VSIG4: variants seen among roughly 807,000 people sequenced by gnomAD.
VSIG4 encodes the protein V-set and immunoglobulin domain-containing protein 4.
In VSIG4, 34 loss-of-function variants were observed where a neutral mutation model predicts 23.4. The observed-to-expected ratio is 1.45, with a 90% CI of 1.10 to 1.93. VSIG4 has a LOEUF of 1.93. Ranked by LOEUF, VSIG4 falls within the 30% of genes most tolerant of loss-of-function variation. The probability of loss-of-function intolerance (pLI) is 0.00; values close to 1 mark genes in which losing one functional copy is unlikely to be tolerated. For synonymous variants in VSIG4, 169 were observed against 120.3 expected (o/e 1.41, Z -2.65); for missense variants, 433 against 310.8 (o/e 1.39, Z -2.96).
rs1195160470 is a variant in VSIG4 at position 66,036,845 on chromosome X, T to C, written c.56-3015A>G. 1.5e-4 allele frequency among the ~76,000 whole-genome samples: 6 copies of C among 39,320 alleles called. 1 individual carries two copies. The highest frequency in any genetic ancestry group is 1.9e-3 in the South Asian group (1 of 519). 34.1% of individuals were successfully genotyped at this position (39,320 alleles called of 115,157 possible). On this transcript the variant is annotated intron_variant, in intron 1 of 7. Coordinates refer to ENST00000374737, the MANE Select transcript of VSIG4 (RefSeq NM_007268.3). ...ATTATATATATAATATGTTATATAA[T>C]ATATTATATATATAATAATATATTA...
chrX:66,025,604 C>A (rs2085381232), intron 5 of VSIG4, among the ~76,000 whole-genome samples: 1 of 112,055 alleles, frequency 8.9e-6, no homozygotes, highest in Non-Finnish European at 1.9e-5. Context: ...CACATATTCC[C>A]ATTATGCCTA....
chrX:66,038,633 C>T (rs759341723), intron 1 of VSIG4, among the ~76,000 whole-genome samples: 1 of 111,921 alleles, frequency 8.9e-6, no homozygotes, highest in East Asian at 2.8e-4. Flanking sequence ...TAGAGAGATA[C>T]ATTATAAAAC....
intron 1 of VSIG4, among the ~76,000 whole-genome samples, chrX:66,036,111 CA>C (rs1279115425): frequency 2.7e-5 from 3 of 111,398 alleles, no homozygotes; most frequent in Non-Finnish European, 5.7e-5. Flanking sequence ...CCCAAAATGG[CA>C]TGTTTTTTCC....
rs868053485 is a variant in VSIG4, at chrX:66,036,990, A to T, written c.55+2954T>A. Among the ~76,000 whole-genome samples the T allele has an allele frequency of 1.3e-4, 3 of 23,509 alleles. No homozygotes were observed. In the African/African-American group the frequency reaches 2.0e-3, roughly 15 times the overall value. The allele number at this position is 23,509 out of a possible 115,157, so 20.4% of individuals were successfully genotyped here. On this transcript the variant is annotated intron_variant, in intron 1 of 7. Transcript: ENST00000374737. ...TAATATATAATATAATATATCATAT[A>T]ATATAATATATCATATAATATATCA... is the stretch of plus-strand genomic sequence containing the variant.
At chrX:66,023,624 A>G (rs2085357969) in intron 6 of VSIG4, among the ~76,000 whole-genome samples, 1 of 112,447 alleles carries the variant, frequency 8.9e-6, no homozygotes. Flanking sequence ...TCATCTTAAT[A>G]TGCTCAGCAC....
At position 66,033,458 on chromosome X, in the gene VSIG4, C is replaced by T; in HGVS notation, c.412+16G>A. Reference sequence around the variant, plus strand: ...TCATTGATTATCAGTGCTTTCCTACCCCCATAGTGACTCACGTTTCTGGAC... The same window carrying T: ...TCATTGATTATCAGTGCTTTCCTACTCCCATAGTGACTCACGTTTCTGGAC... On this transcript the variant is annotated intron_variant, in intron 2 of 7. Coordinates refer to ENST00000374737, the MANE Select transcript of VSIG4 (RefSeq NM_007268.3). The T allele has an allele frequency of 1.7e-6, 2 of 1,167,937 alleles. No individual in the cohort carries two copies. The highest frequency in any genetic ancestry group is 3.8e-5 in the South Asian group (2 of 52,756).
intron 3 of VSIG4, 95 bp from the exon 4 acceptor site, chrX:66,028,207 G>A (rs754422635): frequency 3.9e-6 from 3 of 765,882 alleles, no homozygotes; most frequent in Non-Finnish European, 4.0e-6. Context: ...AGGCCATTCA[G>A]GTCCATACTT....
At chrX:66,022,958 G>T (rs1197591035) in intron 6 of VSIG4, 96 bp from the exon 7 acceptor site, 3 of 936,706 alleles carry the variant, frequency 3.2e-6, no homozygotes, top group Non-Finnish European at 1.5e-6. Flanking sequence ...TGAGGGAAGG[G>T]TACAGAGGAG....
intron 5 of VSIG4, among the ~76,000 whole-genome samples, chrX:66,025,396 C>T (rs1191406847): frequency 1.8e-5 from 2 of 111,583 alleles, no homozygotes; most frequent in South Asian, 3.7e-4. Context: ...TTCTATAGGG[C>T]CAAGACAGAA....
intron 1 of VSIG4, 144 bp downstream of exon 1, chrX:66,039,800 C>G: frequency 1.6e-6 from 1 of 642,292 alleles, no homozygotes; most frequent in Non-Finnish European, 2.3e-6. Context: ...CCGTTTTGCT[C>G]AAGGCTGAGA....
At chrX:66,023,052 T>C (rs1254720294) in intron 6 of VSIG4, among the ~76,000 whole-genome samples, 190 bp from the exon 7 acceptor site, 1 of 110,666 alleles carries the variant, frequency 9.0e-6, no homozygotes, top group Non-Finnish European at 1.9e-5. Context: ...ATTTATCAGG[T>C]AAAAGAAGGG....
chrX:66,024,184 A>AT (rs890413695), intron 6 of VSIG4, among the ~76,000 whole-genome samples: 1 of 111,886 alleles, frequency 8.9e-6, no homozygotes, highest in East Asian at 2.8e-4. Flanking sequence ...GACAGCTAGT[A>AT]TTTTTTTCTT....
chrX:66,021,955 G>A lies in VSIG4; in HGVS notation c.*308C>T. Reference sequence around the variant, plus strand: ...CTTCTGGTGGCAAGATGCCAAAGTTGAATAGTGTCTGTAGGCATGATGACC... The same window carrying A: ...CTTCTGGTGGCAAGATGCCAAAGTTAAATAGTGTCTGTAGGCATGATGACC... On this transcript the variant is annotated 3_prime_UTR_variant, in exon 8 of 8. Transcript: ENST00000374737. 1.2e-6 allele frequency: 1 copy of A among 857,627 alleles called. No individual in the cohort carries two copies. The highest frequency in any genetic ancestry group is 1.6e-6 in the Non-Finnish European group (1 of 618,675). 70.7% of individuals were successfully genotyped at this position (857,627 alleles called of 1,213,427 possible). A position where few individuals can be genotyped will look rare whatever the true frequency, so the allele number is the denominator to read the frequency against.
Position 66,025,049 on chromosome X carries a change from G to T in VSIG4, c.916C>A (p.Leu306Ile), listed in dbSNP as rs1422142338. Residue 306 changes from leucine (L) to isoleucine (I), a missense_variant, in exon 6 of 8, where the codon CTC becomes ATC. Coordinates refer to ENST00000374737, the MANE Select transcript of VSIG4 (RefSeq NM_007268.3). ...MVVFTMAYIM[L>I]CRKTSQQEHV... ...CCTTGTTGGGATGTCTTCCGACAGA[G>T]CATGATATAGGCCATGGTAAAAACC... 8.3e-7 allele frequency: 1 copy of T among 1,201,863 alleles called. No homozygotes were observed. Among genetic ancestry groups the T allele is most frequent in the East Asian group, 3.0e-5 (1 of 33,473 alleles).
intron 1 of VSIG4, among the ~76,000 whole-genome samples, chrX:66,034,180 C>T (rs1490945977): frequency 5.3e-5 from 6 of 112,202 alleles, no homozygotes; most frequent in Non-Finnish European, 3.8e-5. Flanking sequence ...TCTAGATATT[C>T]TATCAAATCT....
Position 66,022,182 on chromosome X carries a change from G to A in VSIG4, c.*81C>T, listed in dbSNP as rs759622407. The A allele has an allele frequency of 5.0e-6, 6 of 1,208,621 alleles. No individual in the cohort carries two copies. In the African/African-American group the frequency reaches 5.2e-5, roughly 11 times the overall value. On this transcript the variant is annotated 3_prime_UTR_variant, in exon 8 of 8. Transcript: ENST00000374737. ...ACACTTTGGGCTATCCAGGAAGAGA[G>A]GTAGCAGGGAAGAAGGCCATGCAGA...
At position 66,022,280 on chromosome X, in the gene VSIG4, C is replaced by T. The variant is rs781029968; in HGVS notation, c.1183G>A (p.Gly395Ser). Residue 395 changes from glycine (G) to serine (S), a missense_variant, in exon 8 of 8, where the codon GGC becomes AGC. Physicochemically the swap from Gly to Ser is moderately conservative, Grantham distance 56 (BLOSUM62 0). Coordinates refer to ENST00000374737, the MANE Select transcript of VSIG4 (RefSeq NM_007268.3). ...GGGCATTTTTAACAGACACTTTTGC[C>T]CTCAGTGGCCAGAAACTCATAATCC... ...PLDYEFLATEGKSVC is the reference protein window; with the variant it reads ...PLDYEFLATESKSVC The T allele has an allele frequency of 1.7e-6, 2 of 1,212,034 alleles. No homozygotes were observed. Among genetic ancestry groups the T allele is most frequent in the Admixed American group, 2.2e-5 (1 of 46,108 alleles).
At chrX:66,034,237 A>T (rs1424023337) in intron 1 of VSIG4, among the ~76,000 whole-genome samples, 1 of 112,154 alleles carries the variant, frequency 8.9e-6, no homozygotes, top group Non-Finnish European at 1.9e-5. Context: ...CATTTTCCAA[A>T]AGAGATGTGG....
At chrX:66,034,861 T>G (rs1265154784) in intron 1 of VSIG4, among the ~76,000 whole-genome samples, 1 of 110,598 alleles carries the variant, frequency 9.0e-6, no homozygotes. Context: ...GAAGATTTTT[T>G]GTTTTATTTA....
Sources: allele counts gnomAD v4.1 joint callset (sites outside exome capture counted in the v4.1 genomes callset), GRCh38; gene constraint gnomAD v4.1.1; transcripts MANE v1.5; gene names NCBI Gene and HGNC (gene_info 2026-07-23, HGNC 2026-07-21).